Variants in MYO9A observed in about 807,000 individuals in gnomAD.
MYO9A encodes the protein unconventional myosin-IXa.
In MYO9A, 103 loss-of-function variants were observed where a neutral mutation model predicts 293.3. That is an observed-to-expected ratio of 0.35 (90% CI 0.30 to 0.41). The LOEUF (loss-of-function observed/expected upper bound fraction) is 0.41, where lower values mean the gene tolerates loss of function less well. Among genes scored for constraint, MYO9A ranks in the 10% least tolerant of loss-of-function variants. The pLI is 1.00. For missense variants in MYO9A, 2,685 were observed against 3,033.0 expected (o/e 0.89, Z 2.69); for synonymous variants, 1,001 against 1,035.7 (o/e 0.97, Z 0.64).
At position 71,898,988 on chromosome 15, in the gene MYO9A, T is replaced by A. The variant is rs1356333089; in HGVS notation, c.3515A>T (p.Glu1172Val). ...KEQRLRETKP[E>V]VGLVNIKGYG... ...TCCCTTAATATTCACCAATCCAACTTCTGGCTTTGTTTCTCTTAGCCTTTG... is the reference window on the plus strand; with the variant it reads ...TCCCTTAATATTCACCAATCCAACTACTGGCTTTGTTTCTCTTAGCCTTTG... The change falls in exon 25 of 42, where the codon GAA (glutamate) becomes GTA (valine). Residue 1172 changes from glutamate (E) to valine (V), a missense_variant. Around this residue, in one of 10 missense-constraint regions of MYO9A, gnomAD observed 1,434 missense variants for 1,497.7 expected, o/e 0.96. Transcript: ENST00000356056. 6.2e-7 allele frequency: 1 copy of A among 1,613,014 alleles called. No homozygotes were observed. The highest frequency in any genetic ancestry group is 2.2e-5 in the East Asian group (1 of 44,882).
Position 71,956,348 on chromosome 15 carries a change from T to TATATATAA in MYO9A, c.2182+3552_2182+3553insTTATATAT, listed in dbSNP as rs1264355789. Among the ~76,000 whole-genome samples the TATATATAA allele has an allele frequency of 3.0e-5, 4 of 132,036 alleles. No homozygotes were observed. In the East Asian group the frequency reaches 8.7e-4, roughly 29 times the overall value. The allele number at this position is 132,036 out of a possible 152,430, so 86.6% of individuals were successfully genotyped here. On this transcript the variant is annotated intron_variant, in intron 14 of 41. Coordinates refer to ENST00000356056, the MANE Select transcript of MYO9A (RefSeq NM_006901.4). ...AAAAAAAAATATATATATATATATA[T>TATATATAA]ATAAAATACGCCCAGCGTGGTGGCT...
At chr15:71,932,066 A>C (rs2058490343) in intron 18 of MYO9A, among the ~76,000 whole-genome samples, 1 of 152,186 alleles carries the variant, frequency 6.6e-6, no homozygotes. Flanking sequence ...AGGATGTGCC[A>C]AGTTCCGTTA....
chr15:72,040,071 A>T (rs2078179395), intron 2 of MYO9A: 1 of 154,542 alleles, frequency 6.5e-6, no homozygotes, highest in African/African-American at 2.4e-5. Flanking sequence ...CACTGCATGG[A>T]CACAGGAATA....
chr15:71,948,931 T>A (rs1226204628), intron 15 of MYO9A, among the ~76,000 whole-genome samples: 2 of 115,814 alleles, frequency 1.7e-5, no homozygotes, highest in African/African-American at 3.0e-5. Context: ...ATACAGAAAT[T>A]CTGGTTCAAA....
intron 13 of MYO9A, among the ~76,000 whole-genome samples, chr15:71,966,490 T>G (rs1158289787): frequency 6.6e-6 from 1 of 152,182 alleles, no homozygotes; most frequent in Non-Finnish European, 1.5e-5. Context: ...GTTTTACTTT[T>G]TAAACTATAG....
intron 15 of MYO9A, among the ~76,000 whole-genome samples, chr15:71,944,125 T>A (rs1025814733): frequency 9.9e-5 from 15 of 152,098 alleles, no homozygotes; most frequent in African/African-American, 1.9e-4. Flanking sequence ...ACATCTTTCA[T>A]GAGAACACAG....
At chr15:71,879,913 G>A in intron 29 of MYO9A, 76 bp from the exon 30 acceptor site, 1 of 1,005,182 alleles carries the variant, frequency 9.9e-7, no homozygotes, top group Non-Finnish European at 1.5e-6. Flanking sequence ...GGCATGTATT[G>A]TTGCTTCCAC....
In MYO9A at chr15:72,077,752, AAT is replaced by A. The variant is rs60977581; in HGVS notation, c.-71-31120_-71-31119del. 3.3e-3 allele frequency among the ~76,000 whole-genome samples: 241 copies of A among 72,378 alleles called. 1 individual carries two copies. Among genetic ancestry groups the A allele is most frequent in the Middle Eastern group, 9.3e-3 (1 of 108 alleles). 47.5% of individuals were successfully genotyped at this position (72,378 alleles called of 152,430 possible). A position where few individuals can be genotyped will look rare whatever the true frequency, so the allele number is the denominator to read the frequency against. ...CTCAAAGAAAAAAAAAAAAAAAAAA[AAT>A]ATATATATATATATATATATATATA... On this transcript the variant is annotated intron_variant, in intron 1 of 41. Transcript: ENST00000356056.
intron 26 of MYO9A, chr15:71,891,615 T>C (rs970552104): frequency 4.9e-4 from 75 of 152,234 alleles, no homozygotes; most frequent in African/African-American, 1.8e-3. Context: ...TATTCTACAC[T>C]GAAGATTTTG....
Position 71,825,995 on chromosome 15 carries a change from G to GTTTTGTTTTGTTTTT in MYO9A, c.*584_*585insAAAAACAAAACAAAA, listed in dbSNP as rs1567169896. 1 of 91,526 alleles carries GTTTTGTTTTGTTTTT rather than the reference G, an allele frequency of 1.1e-5. No homozygotes were observed. Among genetic ancestry groups the GTTTTGTTTTGTTTTT allele is most frequent in the Non-Finnish European group, 2.2e-5 (1 of 44,770 alleles). The allele number at this position is 91,526 out of a possible 1,614,324, so 5.7% of individuals were successfully genotyped here. On this transcript the variant is annotated 3_prime_UTR_variant, in exon 42 of 42. Coordinates refer to ENST00000356056, the MANE Select transcript of MYO9A (RefSeq NM_006901.4). ...ATGGAAACAATCACGGTTTTTTTTT[G>GTTTTGTTTTGTTTTT]TTTTTTTTTTTTTGTTTTTTTTTTT...
chr15:71,956,836 T>TAC (rs779636198), intron 14 of MYO9A, among the ~76,000 whole-genome samples: 106 of 130,348 alleles, frequency 8.1e-4, no homozygotes, highest in African/African-American at 2.6e-3. Context: ...TATATATATA[T>TAC]ACACACACAC....
At chr15:71,977,764 G>A (rs748839397) in intron 12 of MYO9A, among the ~76,000 whole-genome samples, 7 of 152,118 alleles carry the variant, frequency 4.6e-5, no homozygotes, top group East Asian at 3.9e-4. Flanking sequence ...GTGGCCACAC[G>A]CGGTGGCTCA....
rs1266300381 is a variant in MYO9A, at chr15:71,910,118, A to G, written c.2686-5112T>C. The stretch of plus-strand genomic sequence containing the variant: ...TATATATACGTATATATATACGTGT[A>G]TATATACACGTGTATATATATATAC... On this transcript the variant is annotated intron_variant, in intron 19 of 41. Coordinates refer to ENST00000356056, the MANE Select transcript of MYO9A (RefSeq NM_006901.4). 1.4e-3 allele frequency among the ~76,000 whole-genome samples: 208 copies of G among 143,970 alleles called. 1 individual carries two copies. Among genetic ancestry groups the G allele is most frequent in the Non-Finnish European group, 2.3e-3 (152 of 65,284 alleles). 94.4% of individuals were successfully genotyped at this position (143,970 alleles called of 152,430 possible). A position where few individuals can be genotyped will look rare whatever the true frequency, so the allele number is the denominator to read the frequency against.
At chr15:72,028,428 A>T (rs1302737640) in intron 3 of MYO9A, among the ~76,000 whole-genome samples, 1 of 151,326 alleles carries the variant, frequency 6.6e-6, no homozygotes, top group Non-Finnish European at 1.5e-5. Flanking sequence ...AGGGTGGATC[A>T]CCTGAGGTCA....
intron 1 of MYO9A, among the ~76,000 whole-genome samples, chr15:72,115,996 G>A (rs2080958896): frequency 6.6e-6 from 1 of 152,156 alleles, no homozygotes. Context: ...ATGACCTCTA[G>A]GATGTAGTAT....
chr15:71,877,307 G>A (rs936185469), intron 31 of MYO9A, among the ~76,000 whole-genome samples: 2 of 152,076 alleles, frequency 1.3e-5, no homozygotes, highest in Non-Finnish European at 2.9e-5. Context: ...AAATAAAAAG[G>A]TTATTATTAT....
At chr15:71,970,228 C>A (rs1370636504) in intron 12 of MYO9A, among the ~76,000 whole-genome samples, 1 of 152,156 alleles carries the variant, frequency 6.6e-6, no homozygotes, top group Non-Finnish European at 1.5e-5. Context: ...TGATACTATT[C>A]CTAACATCCT....
chr15:72,023,336 C>T (rs1596401588), intron 4 of MYO9A, among the ~76,000 whole-genome samples: 1 of 152,114 alleles, frequency 6.6e-6, no homozygotes. Context: ...AAAAAGACTC[C>T]TATGGCAGGC....
intron 27 of MYO9A, among the ~76,000 whole-genome samples, chr15:71,886,195 A>C (rs1237690807): frequency 9.0e-5 from 1 of 11,102 alleles, no homozygotes; most frequent in Admixed American, 4.0e-3. Context: ...AAAGTAGGGT[A>C]AAAAAAAAAA....
Sources: gnomAD v4.1 joint callset for allele counts (sites outside exome capture counted in the v4.1 genomes callset) on GRCh38, gnomAD v4.1.1 for gene constraint, gnomAD v4.1.1 regional missense constraint, MANE v1.5 for transcripts, NCBI Gene and HGNC (gene_info 2026-07-23, HGNC 2026-07-21) for gene names.